The following STPG4 variants were observed in gnomAD, a reference collection of about 807,000 sequenced individuals.
STPG4 encodes sperm-tail PG-rich repeat containing 4.
STPG4 carries 41 observed loss-of-function variants against 31.5 expected under a neutral mutation model. The ratio of observed to expected loss-of-function variants is 1.30; its 90% CI spans 1.01 to 1.69. STPG4 has a LOEUF of 1.69. Ranked by LOEUF, STPG4 falls within the 40% of genes most tolerant of loss-of-function variation. The pLI, the probability that STPG4 is intolerant of heterozygous loss-of-function variation, is 0.00. For missense variants in STPG4, 375 were observed against 293.4 expected (o/e 1.28, Z -2.03); for synonymous variants, 141 against 103.0 (o/e 1.37, Z -2.24).
chr2:47,095,477 C>T (rs1685651600), intron 5 of STPG4, among the ~76,000 whole-genome samples: 1 of 152,180 alleles, frequency 6.6e-6, no homozygotes, highest in African/African-American at 2.4e-5. Context: ...CCCACACTGC[C>T]AACACCTTGG....
chr2:47,110,651 A>G lies in STPG4; in HGVS notation c.519+19290T>C, dbSNP rs542278609. On this transcript the variant is annotated intron_variant, in intron 5 of 6. Transcript: ENST00000445927. Reference sequence around the variant, plus strand: ...AAACCAATTGAAGAGAAAGAAATATAAGCAATCACCTTTAGTCACTGTGTC... The same window carrying G: ...AAACCAATTGAAGAGAAAGAAATATGAGCAATCACCTTTAGTCACTGTGTC... Among the ~76,000 whole-genome samples the G allele has an allele frequency of 5.3e-5, 8 of 152,376 alleles. No individual in the cohort carries two copies. In the South Asian group the frequency reaches 1.4e-3, roughly 28 times the overall value.
intron 4 of STPG4, 87 bp from the exon 5 acceptor site, chr2:47,130,082 T>C: frequency 6.8e-7 from 1 of 1,479,062 alleles, no homozygotes; most frequent in South Asian, 1.2e-5. Context: ...TTTCATTAAA[T>C]ATTTTAAAAT....
intron 3 of STPG4, among the ~76,000 whole-genome samples, chr2:47,150,569 A>G (rs2103806991): frequency 6.6e-6 from 1 of 151,850 alleles, no homozygotes; most frequent in African/African-American, 2.4e-5. Flanking sequence ...AGGCTGGGGT[A>G]CAGTCATATA....
At chr2:47,113,810 G>A (rs1464262818) in intron 5 of STPG4, among the ~76,000 whole-genome samples, 1 of 152,038 alleles carries the variant, frequency 6.6e-6, no homozygotes, top group East Asian at 1.9e-4. Flanking sequence ...CGAGGCAGGT[G>A]GATCACGAGG....
At chr2:47,119,011 A>G (rs1329329523) in intron 5 of STPG4, among the ~76,000 whole-genome samples, 8 of 152,264 alleles carry the variant, frequency 5.3e-5, no homozygotes, top group Non-Finnish European at 1.0e-4. Flanking sequence ...TGAATGGCAC[A>G]TTATAATGTC....
At chr2:47,089,550 G>A (rs1010929396) in intron 6 of STPG4, among the ~76,000 whole-genome samples, 1 of 152,024 alleles carries the variant, frequency 6.6e-6, no homozygotes, top group African/African-American at 2.4e-5. Flanking sequence ...TGTTTCCCCA[G>A]CCATCTCAAA....
At position 47,129,747 on chromosome 2, in the gene STPG4, A is replaced by G. The variant is rs554219866; in HGVS notation, c.519+194T>C. ...CCTTGATACAATGTTAAAACCTGGT[A>G]TTGCGATCCCACACTTGCTTTTTGG... On this transcript the variant is annotated intron_variant, in intron 5 of 6. Coordinates refer to ENST00000445927, the MANE Select transcript of STPG4 (RefSeq NM_001163561.2). The G allele has an allele frequency of 1.2e-5, 7 of 600,052 alleles. No homozygotes were observed. The South Asian group carries it at 1.8e-4, about 15-fold the overall frequency. 37.2% of individuals were successfully genotyped at this position (600,052 alleles called of 1,614,324 possible). A position where few individuals can be genotyped will look rare whatever the true frequency, so the allele number is the denominator to read the frequency against.
intron 5 of STPG4, among the ~76,000 whole-genome samples, chr2:47,123,188 C>G (rs138983914): frequency 2.0e-5 from 3 of 152,174 alleles, no homozygotes; most frequent in African/African-American, 4.8e-5. Context: ...TGACATCCTA[C>G]TGACTAGCTA....
Position 47,152,951 on chromosome 2 carries a change from A to C in STPG4, c.141+6T>G. On this transcript the variant is annotated splice_donor_region_variant and intron_variant, in intron 2 of 6. Transcript: ENST00000445927. ...GTGAATAGGAAAGACTGAACAATGT[A>C]CATACTGTTAATGCTATTCTCCACC... 6.3e-7 allele frequency: 1 copy of C among 1,597,262 alleles called. No homozygotes were observed. The highest frequency in any genetic ancestry group is 1.1e-5 in the South Asian group (1 of 89,474).
chr2:47,144,769 C>T (rs575159458), intron 3 of STPG4, among the ~76,000 whole-genome samples: 29 of 152,182 alleles, frequency 1.9e-4, no homozygotes, highest in African/African-American at 5.1e-4. Context: ...CTTGCTCTGT[C>T]GCCCAGGCTG....
At chr2:47,134,638 G>T (rs1028723092) in intron 3 of STPG4, among the ~76,000 whole-genome samples, 6 of 152,170 alleles carry the variant, frequency 3.9e-5, no homozygotes, top group African/African-American at 1.2e-4. Context: ...CCAAATGTGG[G>T]CAATTATGAA....
intron 5 of STPG4, among the ~76,000 whole-genome samples, chr2:47,104,747 C>T (rs1199875430): frequency 6.6e-6 from 1 of 152,062 alleles, no homozygotes; most frequent in East Asian, 1.9e-4. Flanking sequence ...AGTTTGGAAG[C>T]CTCATGCCAG....
intron 5 of STPG4, chr2:47,120,956 T>G (rs1686261282): frequency 6.6e-6 from 1 of 152,294 alleles, no homozygotes; most frequent in African/African-American, 2.4e-5. Flanking sequence ...GCAGTCAACA[T>G]GAGAGAATGA....
At chr2:47,095,298 C>T (rs1272649188) in intron 5 of STPG4, among the ~76,000 whole-genome samples, 6 of 152,080 alleles carry the variant, frequency 3.9e-5, no homozygotes, top group Non-Finnish European at 1.5e-5. Flanking sequence ...TGGCTGGTGT[C>T]CTTTATTAAA....
intron 3 of STPG4, among the ~76,000 whole-genome samples, chr2:47,138,307 T>C (rs1179634682): frequency 6.6e-6 from 1 of 152,222 alleles, no homozygotes; most frequent in Middle Eastern, 3.2e-3. Flanking sequence ...ATCTTTGTGT[T>C]ATTGATTTGT....
Position 47,149,481 on chromosome 2 carries a change from T to C in STPG4, c.399+1777A>G, listed in dbSNP as rs138341790. On this transcript the variant is annotated intron_variant, in intron 3 of 6. Transcript: ENST00000445927. Reference sequence around the variant, plus strand: ...TGGTAGCAAGCCATAAAGGTGCTAGTATAATTTAGAGTTTGTATGCATCCA... The same window carrying C: ...TGGTAGCAAGCCATAAAGGTGCTAGCATAATTTAGAGTTTGTATGCATCCA... Among the ~76,000 whole-genome samples, 216 of 152,328 alleles carry C rather than the reference T, an allele frequency of 1.4e-3. 1 individual carries two copies. The highest frequency in any genetic ancestry group is 4.9e-3 in the African/African-American group (202 of 41,588).
At chr2:47,151,985 G>C (rs1230426937) in intron 2 of STPG4, among the ~76,000 whole-genome samples, 2 of 151,186 alleles carry the variant, frequency 1.3e-5, no homozygotes, top group Admixed American at 6.6e-5. Flanking sequence ...GGATGGTCTA[G>C]ATCTCCTGAC....
At chr2:47,139,995 C>T (rs1328819363) in intron 3 of STPG4, among the ~76,000 whole-genome samples, 1 of 152,042 alleles carries the variant, frequency 6.6e-6, no homozygotes, top group Non-Finnish European at 1.5e-5. Context: ...AGGCTGGTCT[C>T]AAACTCCTGA....
At chr2:47,123,451 G>A (rs1337978431) in intron 5 of STPG4, among the ~76,000 whole-genome samples, 2 of 152,074 alleles carry the variant, frequency 1.3e-5, no homozygotes, top group East Asian at 1.9e-4. Context: ...ACGTTCTAGT[G>A]AGGGGGAAAG....
Sources: allele counts gnomAD v4.1 joint callset (sites outside exome capture counted in the v4.1 genomes callset), GRCh38; gene constraint gnomAD v4.1.1; transcripts MANE v1.5; gene names NCBI Gene and HGNC (gene_info 2026-07-23, HGNC 2026-07-21).